Variants in PDZRN3 observed in about 807,000 individuals in gnomAD.
The protein encoded by PDZRN3 is E3 ubiquitin-protein ligase PDZRN3.
Under a neutral mutation model 85.7 loss-of-function variants are expected in PDZRN3, and 38 were observed. The ratio of observed to expected loss-of-function variants is 0.44; its 90% confidence interval spans 0.34 to 0.58. The LOEUF (loss-of-function observed/expected upper bound fraction) is 0.58, where lower values mean the gene tolerates loss of function less well. Ranked by LOEUF, PDZRN3 falls within the 20% of genes least tolerant of loss-of-function variation. PDZRN3 has a pLI of 0.01. For missense variants in PDZRN3, 1,629 were observed against 1,506.4 expected (o/e 1.08, Z -1.35); for synonymous variants, 759 against 638.0 (o/e 1.19, Z -2.86).
At chr3:73,594,170 C>G (rs1027962313) in intron 3 of PDZRN3, among the ~76,000 whole-genome samples, 22 of 152,194 alleles carry the variant, frequency 1.4e-4, no homozygotes, top group African/African-American at 5.3e-4. Flanking sequence ...TATGCACAGT[C>G]ATTAGAAAGA....
At chr3:73,613,752 G>A (rs896602632) in intron 1 of PDZRN3, among the ~76,000 whole-genome samples, 1 of 152,062 alleles carries the variant, frequency 6.6e-6, no homozygotes, top group Non-Finnish European at 1.5e-5. Context: ...GGGTGCAGAA[G>A]GGCAGTTCTG....
intron 5 of PDZRN3, among the ~76,000 whole-genome samples, chr3:73,397,007 TTTTTC>T (rs1361784434): frequency 1.3e-5 from 2 of 151,764 alleles, no homozygotes; most frequent in Non-Finnish European, 2.9e-5. Context: ...AGAACATCTG[TTTTTC>T]TTTTATTTCT....
intron 3 of PDZRN3, among the ~76,000 whole-genome samples, chr3:73,565,272 G>T (rs1450025897): frequency 6.6e-6 from 1 of 151,978 alleles, no homozygotes; most frequent in Non-Finnish European, 1.5e-5. Context: ...GGGATTACAG[G>T]TGCCTGCTAC....
chr3:73,592,756 A>G (rs556321647), intron 3 of PDZRN3, among the ~76,000 whole-genome samples: 2 of 152,286 alleles, frequency 1.3e-5, no homozygotes, highest in East Asian at 3.9e-4. Flanking sequence ...TGGAGTACTC[A>G]GAGTTCCCAG....
At position 73,418,326 on chromosome 3, in the gene PDZRN3, T is replaced by G. The variant is rs140593159; in HGVS notation, c.919-13931A>C. On this transcript the variant is annotated intron_variant, in intron 3 of 9. Transcript: ENST00000263666. ...GAAATAAACATGTTTGTGGAAAGTA[T>G]GAACTGGGCTAAAAACACTGCAAGA... 4.6e-5 allele frequency among the ~76,000 whole-genome samples: 7 copies of G among 152,318 alleles called. No homozygotes were observed. The East Asian group carries it at 1.3e-3, about 29-fold the overall frequency.
At chr3:73,482,634 T>A (rs1389553325) in intron 3 of PDZRN3, among the ~76,000 whole-genome samples, 1 of 152,154 alleles carries the variant, frequency 6.6e-6, no homozygotes, top group African/African-American at 2.4e-5. Flanking sequence ...GTCTCAGAAA[T>A]CCCCTAGGCA....
intron 3 of PDZRN3, among the ~76,000 whole-genome samples, chr3:73,494,818 T>C (rs554309993): frequency 6.6e-5 from 10 of 152,356 alleles, no homozygotes; most frequent in Non-Finnish European, 1.3e-4. Flanking sequence ...ATGAAAAACA[T>C]GATTTCTGGT....
intron 3 of PDZRN3, among the ~76,000 whole-genome samples, chr3:73,600,193 T>C (rs1298831578): frequency 1.3e-5 from 2 of 152,036 alleles, no homozygotes; most frequent in African/African-American, 4.8e-5. Flanking sequence ...ATAATACCCC[T>C]TTGCAAGAAT....
chr3:73,384,393 C>T lies in PDZRN3; in HGVS notation c.2173G>A (p.Gly725Ser), dbSNP rs146841679. 9.9e-6 allele frequency: 16 copies of T among 1,609,274 alleles called. No individual in the cohort carries two copies. In the African/African-American group the frequency reaches 1.1e-4, roughly 11 times the overall value. Reference sequence around the variant, plus strand: ...ATGCTGGTGTTGTAGTTGCGGAAGCCGCTGTTGTGCAGCATCCAGGACTCG... The same window carrying T: ...ATGCTGGTGTTGTAGTTGCGGAAGCTGCTGTTGTGCAGCATCCAGGACTCG... ...YRESWMLHNS[G>S]FRNYNTSIDV... The change falls in exon 10 of 10, where the codon GGC (glycine) becomes AGC (serine). Residue 725 changes from glycine (G) to serine (S), a missense_variant. By Grantham distance (56) the Gly-to-Ser change is moderately conservative. Coordinates refer to ENST00000263666, the MANE Select transcript of PDZRN3 (RefSeq NM_015009.3).
chr3:73,472,466 C>T (rs1465071187), intron 3 of PDZRN3, among the ~76,000 whole-genome samples: 2 of 152,176 alleles, frequency 1.3e-5, no homozygotes, highest in Non-Finnish European at 2.9e-5. Context: ...TATATGCCCT[C>T]GGTCTGAAGC....
At chr3:73,401,120 T>G in intron 4 of PDZRN3, 111 bp from the exon 5 acceptor site, 7 of 748,534 alleles carry the variant, frequency 9.4e-6, no homozygotes, top group Non-Finnish European at 9.6e-6. Context: ...GTGTGGGCCC[T>G]TTCATGACTC....
At chr3:73,450,200 A>C (rs1702830724) in intron 3 of PDZRN3, among the ~76,000 whole-genome samples, 1 of 152,190 alleles carries the variant, frequency 6.6e-6, no homozygotes, top group Admixed American at 6.5e-5. Context: ...CCCTCTCATG[A>C]TGCCAGTCCA....
At chr3:73,574,457 T>TA (rs1553704234) in intron 3 of PDZRN3, among the ~76,000 whole-genome samples, 2 of 120,914 alleles carry the variant, frequency 1.7e-5, no homozygotes, top group South Asian at 2.9e-4. Flanking sequence ...TTGGCTGGGG[T>TA]GGGGGGGGTG....
At chr3:73,593,575 G>A (rs1321234201) in intron 3 of PDZRN3, among the ~76,000 whole-genome samples, 2 of 152,126 alleles carry the variant, frequency 1.3e-5, no homozygotes, top group African/African-American at 4.8e-5. Context: ...TATGCTATGA[G>A]CTTGTAGAAA....
intron 3 of PDZRN3, among the ~76,000 whole-genome samples, chr3:73,501,200 T>C (rs1703971110): frequency 6.6e-6 from 1 of 152,232 alleles, no homozygotes. Context: ...TGTTGGGCTC[T>C]TAACAGCAGA....
intron 3 of PDZRN3, among the ~76,000 whole-genome samples, chr3:73,459,597 G>A (rs1703061216): frequency 1.3e-5 from 2 of 152,162 alleles, no homozygotes; most frequent in South Asian, 4.1e-4. Context: ...AAGTGAGAAT[G>A]TGTGGTATTT....
At chr3:73,407,529 G>C (rs1211856091) in intron 3 of PDZRN3, among the ~76,000 whole-genome samples, 1 of 152,116 alleles carries the variant, frequency 6.6e-6, no homozygotes, top group Non-Finnish European at 1.5e-5. Context: ...ATATCACATA[G>C]ATATATTGTA....
At chr3:73,385,841 T>C (rs1576018308) in intron 8 of PDZRN3, 56 bp from the exon 9 acceptor site, 1 of 1,047,752 alleles carries the variant, frequency 9.5e-7, no homozygotes, top group Admixed American at 1.8e-5. Flanking sequence ...TGTTCATTTA[T>C]GTTTTTTTAA....
At chr3:73,428,452 C>A (rs888259011) in intron 3 of PDZRN3, among the ~76,000 whole-genome samples, 4 of 152,190 alleles carry the variant, frequency 2.6e-5, no homozygotes, top group Admixed American at 6.5e-5. Flanking sequence ...ATTCAACCAA[C>A]CATGTGCTGA....
Sources: gnomAD v4.1 joint callset for allele counts (sites outside exome capture counted in the v4.1 genomes callset) on GRCh38, gnomAD v4.1.1 for gene constraint, MANE v1.5 for transcripts, NCBI Gene and HGNC (gene_info 2026-07-23, HGNC 2026-07-21) for gene names.